TAOK3: variants seen among roughly 807,000 people sequenced by gnomAD.
TAOK3 encodes the protein serine/threonine-protein kinase TAO3.
Under a neutral mutation model 120.4 loss-of-function variants are expected in TAOK3, and 40 were observed. The observed-to-expected ratio is 0.33, with a 90% CI of 0.26 to 0.43. The LOEUF (loss-of-function observed/expected upper bound fraction) is 0.43. TAOK3 is among the 20% of genes least tolerant of loss of function. The pLI is 1.00. For synonymous variants in TAOK3, 355 were observed against 387.5 expected (o/e 0.92, Z 0.99); for missense variants, 821 against 1,112.1 (o/e 0.74, Z 3.72).
At chr12:118,277,710 C>T (rs1310703272) in intron 1 of TAOK3, among the ~76,000 whole-genome samples, 3 of 152,030 alleles carry the variant, frequency 2.0e-5, no homozygotes, top group Non-Finnish European at 4.4e-5. Flanking sequence ...CCACCCACCC[C>T]GATCTCCCAA....
At chr12:118,157,169 C>T (rs773639296) in intron 19 of TAOK3, among the ~76,000 whole-genome samples, 1 of 152,054 alleles carries the variant, frequency 6.6e-6, no homozygotes, top group Non-Finnish European at 1.5e-5. Flanking sequence ...CCCTTCATCC[C>T]GACTGCCCCT....
intron 17 of TAOK3, among the ~76,000 whole-genome samples, chr12:118,163,481 A>G (rs2035361345): frequency 6.7e-6 from 1 of 150,012 alleles, no homozygotes; most frequent in South Asian, 2.1e-4. Flanking sequence ...GGGTCTCACT[A>G]TGTTGCCCAG....
At chr12:118,336,712 T>C (rs1593597609) in intron 1 of TAOK3, among the ~76,000 whole-genome samples, 1 of 152,088 alleles carries the variant, frequency 6.6e-6, no homozygotes, top group Non-Finnish European at 1.5e-5. Flanking sequence ...AAAGGACTAG[T>C]ATGTAAAAAA....
chr12:118,369,899 G>A (rs749632706), intron 1 of TAOK3, among the ~76,000 whole-genome samples: 15 of 151,856 alleles, frequency 9.9e-5, no homozygotes, highest in Admixed American at 2.6e-4. Flanking sequence ...TTTTTGAGAC[G>A]GAGTCCTGCT....
chr12:118,350,092 G>A (rs1187728521), intron 1 of TAOK3, among the ~76,000 whole-genome samples: 2 of 152,162 alleles, frequency 1.3e-5, no homozygotes, highest in Non-Finnish European at 2.9e-5. Flanking sequence ...ATCCTAAACT[G>A]TATTGAATAG....
Position 118,199,257 on chromosome 12 carries a change from C to T in TAOK3, c.988G>A (p.Asp330Asn), listed in dbSNP as rs572200084. 1.4e-4 allele frequency: 220 copies of T among 1,612,252 alleles called. 3 individuals are homozygous for T. The South Asian group carries it at 2.3e-3, about 17-fold the overall frequency. ...TTCAGGCTGGTTCCATGTTCACTGT[C>T]CTGTAAAAATGGGGCACTGAGGTTA... is the stretch of plus-strand genomic sequence containing the variant. ...PLNESQEDEEDSEHGTSLNRE... is the reference protein window; with the variant it reads ...PLNESQEDEENSEHGTSLNRE... Residue 330 changes from aspartate (D) to asparagine (N), a missense_variant and splice_region_variant, in exon 13 of 21, where the codon GAC becomes AAC. Around this residue, in one of 2 missense-constraint regions of TAOK3, gnomAD observed 467 missense variants for 540.0 expected, o/e 0.86. Transcript: ENST00000392533.
At chr12:118,299,581 CT>C (rs1401251748) in intron 1 of TAOK3, among the ~76,000 whole-genome samples, 1 of 152,136 alleles carries the variant, frequency 6.6e-6, no homozygotes, top group Non-Finnish European at 1.5e-5. Flanking sequence ...TCGATCTCGG[CT>C]CACTGCAACC....
In TAOK3 at chr12:118,189,353, T is replaced by C. The variant is rs187455021; in HGVS notation, c.1329+454A>G. On this transcript the variant is annotated intron_variant, in intron 14 of 20. Transcript: ENST00000392533. ...TGTGTGTATACATTATAGACACATA[T>C]GCATCTATACAAAAAGCAGCACAGT... Among the ~76,000 whole-genome samples the C allele has an allele frequency of 7.4e-3, 1,132 of 152,288 alleles. 9 individuals carry two copies. Among genetic ancestry groups the C allele is most frequent in the Non-Finnish European group, 9.3e-3 (632 of 68,026 alleles).
At chr12:118,342,964 A>C (rs571450184) in intron 1 of TAOK3, among the ~76,000 whole-genome samples, 175 of 147,318 alleles carry the variant, frequency 1.2e-3, no homozygotes, top group Non-Finnish European at 1.8e-3. Flanking sequence ...AAAAAGAGAG[A>C]GAGAGAGAGA....
chr12:118,232,189 T>C (rs986800927), intron 9 of TAOK3, among the ~76,000 whole-genome samples: 1 of 152,150 alleles, frequency 6.6e-6, no homozygotes, highest in African/African-American at 2.4e-5. Flanking sequence ...CCACAAGAGA[T>C]TGATTTGTTA....
intron 19 of TAOK3, among the ~76,000 whole-genome samples, chr12:118,157,672 T>C (rs1468693539): frequency 6.6e-6 from 1 of 152,248 alleles, no homozygotes; most frequent in Non-Finnish European, 1.5e-5. Flanking sequence ...ACTTTTCCAA[T>C]GTCTGTTTCC....
At chr12:118,291,105 C>T (rs1488576244) in intron 1 of TAOK3, among the ~76,000 whole-genome samples, 1 of 151,578 alleles carries the variant, frequency 6.6e-6, no homozygotes, top group African/African-American at 2.4e-5. Context: ...ATCTGTCTGC[C>T]TCGGCGTCCG....
chr12:118,348,608 G>T (rs1000941223), intron 1 of TAOK3, among the ~76,000 whole-genome samples: 1 of 151,678 alleles, frequency 6.6e-6, no homozygotes, highest in African/African-American at 2.4e-5. Flanking sequence ...CCGCCACCAC[G>T]CCTGGCTAAT....
chr12:118,243,047 A>C (rs867389998), intron 5 of TAOK3, among the ~76,000 whole-genome samples: 60 of 152,098 alleles, frequency 3.9e-4, no homozygotes, highest in Admixed American at 1.3e-4. Flanking sequence ...TAAAACATCA[A>C]GAACAATTCC....
chr12:118,338,513 C>T (rs2044458708), intron 1 of TAOK3, among the ~76,000 whole-genome samples: 1 of 152,058 alleles, frequency 6.6e-6, no homozygotes, highest in South Asian at 2.1e-4. Context: ...GTGGGCTGGG[C>T]TTGGTGGCTC....
chr12:118,294,164 A>G (rs551219678), intron 1 of TAOK3, among the ~76,000 whole-genome samples: 2 of 152,298 alleles, frequency 1.3e-5, no homozygotes, highest in African/African-American at 4.8e-5. Flanking sequence ...TACATAATAA[A>G]CTATATCCAT....
chr12:118,178,669 G>A (rs2036502756), intron 15 of TAOK3, among the ~76,000 whole-genome samples: 1 of 152,094 alleles, frequency 6.6e-6, no homozygotes, highest in Admixed American at 6.6e-5. Flanking sequence ...TGTTGGCCAG[G>A]CTGGTGTTGA....
intron 1 of TAOK3, among the ~76,000 whole-genome samples, chr12:118,340,556 T>C (rs1326303565): frequency 2.6e-5 from 4 of 152,168 alleles, no homozygotes; most frequent in African/African-American, 9.7e-5. Flanking sequence ...ATAAACCTCA[T>C]AGATGGTTAT....
At chr12:118,286,788 A>G (rs1037091070) in intron 1 of TAOK3, among the ~76,000 whole-genome samples, 1 of 152,224 alleles carries the variant, frequency 6.6e-6, no homozygotes, top group Non-Finnish European at 1.5e-5. Context: ...TAGCAGCACA[A>G]TTTGCAATTA....
Sources: allele counts gnomAD v4.1 joint callset (sites outside exome capture counted in the v4.1 genomes callset), GRCh38; gene constraint gnomAD v4.1.1; regional missense constraint gnomAD v4.1.1; transcripts MANE v1.5; gene names NCBI Gene and HGNC (gene_info 2026-07-23, HGNC 2026-07-21).